ARPC3: variants seen among roughly 807,000 people sequenced by gnomAD.
The protein encoded by ARPC3 is actin related protein 2/3 complex subunit 3, also known as actin-related protein 2/3 complex subunit 3.
Under a neutral mutation model 27.6 loss-of-function variants are expected in ARPC3, and 12 were observed. The observed-to-expected ratio is 0.43, with a 90% CI of 0.28 to 0.70. The LOEUF (loss-of-function observed/expected upper bound fraction) is 0.70, where lower values mean the gene tolerates loss of function less well. Among genes scored for constraint, ARPC3 ranks in the 30% least tolerant of loss-of-function variants. ARPC3 has a pLI of 0.17. For missense variants in ARPC3, 153 were observed against 207.7 expected (o/e 0.74, Z 1.62); for synonymous variants, 53 against 67.2 (o/e 0.79, Z 1.03).
Position 110,436,222 on chromosome 12 carries a change from A to T in ARPC3, c.380-18T>A, listed in dbSNP as rs773033686. 86 of 1,590,942 alleles carry T rather than the reference A, an allele frequency of 5.4e-5. No homozygotes were observed. The highest frequency in any genetic ancestry group is 2.3e-4 in the African/African-American group (17 of 74,364). ...CATCACTTCTAAAACAGAACAATTT[A>T]AAAAAAACTGTATTTGCAAATACAT... On this transcript the variant is annotated intron_variant, in intron 5 of 6. Transcript: ENST00000228825.
At chr12:110,436,315 T>C (rs746599908) in intron 5 of ARPC3, 111 bp from the exon 6 acceptor site, 550 of 1,106,666 alleles carry the variant, frequency 5.0e-4, no homozygotes, top group Non-Finnish European at 6.6e-4. Context: ...TTGAACAGGA[T>C]ACAAAATAGA....
chr12:110,445,339 T>C, intron 2 of ARPC3, 113 bp downstream of exon 2: 1 of 835,988 alleles, frequency 1.2e-6, no homozygotes, highest in African/African-American at 1.7e-5. Flanking sequence ...CCAAGCAAAG[T>C]ACAAGGGCAA....
At chr12:110,448,917 A>C (rs2062482187) in intron 1 of ARPC3, among the ~76,000 whole-genome samples, 1 of 151,586 alleles carries the variant, frequency 6.6e-6, no homozygotes. Context: ...CTGGGATTAC[A>C]GGCACGCACC....
chr12:110,441,803 G>C (rs572507571), intron 2 of ARPC3, among the ~76,000 whole-genome samples: 1 of 151,942 alleles, frequency 6.6e-6, no homozygotes, highest in South Asian at 2.1e-4. Context: ...GGCCGAGACG[G>C]GTGGATCACC....
chr12:110,445,153 T>A (rs1361886859), intron 2 of ARPC3: 2 of 338,776 alleles, frequency 5.9e-6, no homozygotes, highest in South Asian at 2.9e-5. Context: ...CATGTGGCAT[T>A]CTAGACGTAA....
At chr12:110,448,778 CGGGG>C (rs34430437) in intron 1 of ARPC3, among the ~76,000 whole-genome samples, 1 of 12,572 alleles carries the variant, frequency 8.0e-5, no homozygotes. Context: ...TCTTTTTTTC[CGGGG>C]GGGGGGGGGG....
At chr12:110,446,396 C>G (rs1200664558) in intron 1 of ARPC3, among the ~76,000 whole-genome samples, 1 of 151,178 alleles carries the variant, frequency 6.6e-6, no homozygotes, top group Non-Finnish European at 1.5e-5. Context: ...CTCCCGGGTT[C>G]AAGTGATTCT....
intron 6 of ARPC3, 104 bp downstream of exon 6, chr12:110,436,006 C>T (rs1238621612): frequency 2.2e-6 from 2 of 911,270 alleles, no homozygotes; most frequent in Non-Finnish European, 3.7e-6. Flanking sequence ...CATTGCAATG[C>T]AGAAATTAAA....
intron 3 of ARPC3, among the ~76,000 whole-genome samples, chr12:110,439,010 A>C (rs1458279938): frequency 6.7e-6 from 1 of 148,466 alleles, no homozygotes; most frequent in African/African-American, 2.5e-5. Flanking sequence ...TTTTTTTGAG[A>C]CAGTCTTGCT....
intron 2 of ARPC3, among the ~76,000 whole-genome samples, chr12:110,444,461 T>C (rs2062453939): frequency 6.6e-6 from 1 of 151,990 alleles, no homozygotes; most frequent in Admixed American, 6.6e-5. Context: ...ATTTTTGTAT[T>C]TTTAGTAGAG....
chr12:110,442,253 C>A (rs1413730752), intron 2 of ARPC3, among the ~76,000 whole-genome samples: 1 of 152,122 alleles, frequency 6.6e-6, no homozygotes, highest in Admixed American at 6.6e-5. Context: ...TTCAAGACGT[C>A]TCTCAATGCA....
chr12:110,444,307 T>C (rs896396805), intron 2 of ARPC3, among the ~76,000 whole-genome samples: 3 of 149,844 alleles, frequency 2.0e-5, no homozygotes, highest in African/African-American at 7.4e-5. Flanking sequence ...TTTTTTGAGA[T>C]GAAGTCTCAC....
chr12:110,444,979 G>A (rs1251734875), intron 2 of ARPC3: 1 of 171,806 alleles, frequency 5.8e-6, no homozygotes. Context: ...TCAGAAAAGC[G>A]GGAATAGACG....
At chr12:110,445,644 A>G (rs1212968983) in intron 1 of ARPC3, 93 bp from the exon 2 acceptor site, 14 of 941,748 alleles carry the variant, frequency 1.5e-5, no homozygotes, top group Non-Finnish European at 2.4e-5. Context: ...AAAAGAGTAA[A>G]CCACCCAAGA....
In ARPC3 at chr12:110,436,705, TATATATAC is replaced by T. The variant is rs749571285; in HGVS notation, c.253-30_253-23del. 372 of 921,064 alleles carry T rather than the reference TATATATAC, an allele frequency of 4.0e-4. 3 individuals are homozygous for T. In the African/African-American group the frequency reaches 4.9e-3, roughly 12 times the overall value. The allele number at this position is 921,064 out of a possible 1,614,324, so 57.1% of individuals were successfully genotyped here. On this transcript the variant is annotated intron_variant, in intron 4 of 6. Transcript: ENST00000228825. ...TGCACTGGAAAAAAAAATATATATA[TATATATAC>T]ACACACACACACACACACACACACA...
Position 110,445,486 on chromosome 12 carries a change from G to A in ARPC3, c.72C>T (p.Ile24=), listed in dbSNP as rs2062459331. 11 of 1,613,724 alleles carry A rather than the reference G, an allele frequency of 6.8e-6. No homozygotes were observed. The highest frequency in any genetic ancestry group is 9.3e-6 in the Non-Finnish European group (11 of 1,179,662). Residue 24 remains isoleucine (I), a synonymous_variant, in exon 2 of 7, where the codon ATC becomes ATT. Transcript: ENST00000228825. ...KLIGNMALLP[I]RSQFKGPAPR... is the part of the protein sequence containing the mutation. ...GGGCAGGTCCTTTGAATTGACTTCT[G>A]ATAGGCAACAGTGCCATGTTTCCGA...
At chr12:110,436,999 G>T in intron 4 of ARPC3, 85 bp downstream of exon 4, 1 of 987,374 alleles carries the variant, frequency 1.0e-6, no homozygotes, top group Non-Finnish European at 1.6e-6. Flanking sequence ...TGTCTTTAAA[G>T]TCTCAACAAA....
At chr12:110,437,346 A>C in intron 3 of ARPC3, 194 bp from the exon 4 acceptor site, 1 of 564,936 alleles carries the variant, frequency 1.8e-6, no homozygotes, top group Non-Finnish European at 3.2e-6. Context: ...GGAGGAAGGC[A>C]CAAGCCCCAC....
At position 110,435,250 on chromosome 12, in the gene ARPC3, G is replaced by A. The variant is rs143128977; in HGVS notation, c.475-33C>T. 9.5e-5 allele frequency: 143 copies of A among 1,507,714 alleles called. No individual in the cohort carries two copies. The African/African-American group carries it at 1.5e-3, about 16-fold the overall frequency. 93.4% of individuals were successfully genotyped at this position (1,507,714 alleles called of 1,614,324 possible). ...GAGAGAACAACACAGAATGAACAGCGGGGTCAAATTACAATAGAATTTGCA... is the reference window on the plus strand; with the variant it reads ...GAGAGAACAACACAGAATGAACAGCAGGGTCAAATTACAATAGAATTTGCA... On this transcript the variant is annotated intron_variant, in intron 6 of 6. Coordinates refer to ENST00000228825, the MANE Select transcript of ARPC3 (RefSeq NM_001278556.2).
Sources: allele counts gnomAD v4.1 joint callset (sites outside exome capture counted in the v4.1 genomes callset), GRCh38; gene constraint gnomAD v4.1.1; transcripts MANE v1.5; gene names NCBI Gene and HGNC (gene_info 2026-07-23, HGNC 2026-07-21).